The following HS3ST4 variants were observed in gnomAD, a reference collection of about 807,000 sequenced individuals.
The protein encoded by HS3ST4 is heparan sulfate-glucosamine 3-sulfotransferase 4, also known as heparan sulfate glucosamine 3-O-sulfotransferase 4.
HS3ST4 carries 17 observed loss-of-function variants against 29.2 expected under a neutral mutation model. The ratio of observed to expected loss-of-function variants is 0.58; its 90% CI spans 0.40 to 0.87. HS3ST4 has a LOEUF of 0.87. Ranked by LOEUF, HS3ST4 falls within the 40% of genes least tolerant of loss-of-function variation. The pLI is 0.00. For synonymous variants in HS3ST4, 314 were observed against 285.7 expected (o/e 1.10, Z -1.00); for missense variants, 627 against 634.5 (o/e 0.99, Z 0.13).
chr16:25,950,863 G>C (rs901990963), intron 1 of HS3ST4, among the ~76,000 whole-genome samples: 1 of 152,102 alleles, frequency 6.6e-6, no homozygotes, highest in Non-Finnish European at 1.5e-5. Context: ...GATGCCCCTT[G>C]ACCAAGGCTC....
At position 26,137,119 on chromosome 16, in the gene HS3ST4, A is replaced by G. The variant is rs1481313826; in HGVS notation, c.*871A>G. On this transcript the variant is annotated 3_prime_UTR_variant, in exon 2 of 2. Transcript: ENST00000331351. ...AGTGGCCATATCTGGGGGTAAAAGA[A>G]GAAATCCTGTCCTCTTGGTGGGAGG... 1 of 152,164 alleles carries G rather than the reference A, an allele frequency of 6.6e-6. No homozygotes were observed. The highest frequency in any genetic ancestry group is 1.5e-5 in the Non-Finnish European group (1 of 68,090). 9.4% of individuals were successfully genotyped at this position (152,164 alleles called of 1,614,324 possible). A position where few individuals can be genotyped will look rare whatever the true frequency, so the allele number is the denominator to read the frequency against.
chr16:26,015,944 GT>G (rs1344378985), intron 1 of HS3ST4, among the ~76,000 whole-genome samples: 1 of 152,100 alleles, frequency 6.6e-6, no homozygotes, highest in African/African-American at 2.4e-5. Flanking sequence ...ACAGCTGGGG[GT>G]GGGGTGTGCT....
intron 1 of HS3ST4, among the ~76,000 whole-genome samples, chr16:26,107,146 G>A (rs1398250517): frequency 6.6e-6 from 1 of 152,080 alleles, no homozygotes; most frequent in East Asian, 1.9e-4. Flanking sequence ...AAAGGGCTTG[G>A]TGTTGGAGTT....
At chr16:26,059,272 C>G (rs1209736208) in intron 1 of HS3ST4, among the ~76,000 whole-genome samples, 1 of 152,004 alleles carries the variant, frequency 6.6e-6, no homozygotes, top group Admixed American at 6.6e-5. Context: ...CCTTCCTTTC[C>G]CTCCACTTGT....
chr16:25,692,609 G>T lies in HS3ST4; in HGVS notation c.192G>T (p.Ala64=). 1 of 1,383,954 alleles carries T rather than the reference G, an allele frequency of 7.2e-7. No homozygotes were observed. Among genetic ancestry groups the T allele is most frequent in the South Asian group, 1.5e-5 (1 of 67,590 alleles). The allele number at this position is 1,383,954 out of a possible 1,614,324, so 85.7% of individuals were successfully genotyped here. The part of the protein sequence containing the change: ...GGSGSLQFPL[A]LQESPGAAAE... ...CGGGCTCCCTGCAATTCCCTCTGGC[G>T]CTGCAGGAGTCGCCGGGCGCCGCCG... The change falls in exon 1 of 2, where the codon GCG becomes GCT. Residue 64 remains alanine (A), a synonymous_variant. Coordinates refer to ENST00000331351, the MANE Select transcript of HS3ST4 (RefSeq NM_006040.3).
intron 1 of HS3ST4, among the ~76,000 whole-genome samples, chr16:26,004,179 T>A (rs1969236966): frequency 6.6e-6 from 1 of 152,194 alleles, no homozygotes; most frequent in African/African-American, 2.4e-5. Flanking sequence ...GCAGTTGTTC[T>A]TGCCATCCTG....
chr16:25,804,740 A>G (rs556025904), intron 1 of HS3ST4, among the ~76,000 whole-genome samples: 1 of 152,156 alleles, frequency 6.6e-6, no homozygotes, highest in South Asian at 2.1e-4. Flanking sequence ...CCAAAACCGC[A>G]CAACATTTTT....
chr16:26,075,906 C>A (rs1451822601), intron 1 of HS3ST4, among the ~76,000 whole-genome samples: 1 of 152,150 alleles, frequency 6.6e-6, no homozygotes, highest in Non-Finnish European at 1.5e-5. Flanking sequence ...CTTGGGATGT[C>A]TATGAAGCTT....
chr16:25,814,698 A>G (rs72778988), intron 1 of HS3ST4, among the ~76,000 whole-genome samples: 5 of 152,110 alleles, frequency 3.3e-5, no homozygotes, highest in African/African-American at 1.2e-4. Flanking sequence ...GACTTGCACA[A>G]GTTCACATAG....
intron 1 of HS3ST4, among the ~76,000 whole-genome samples, chr16:26,043,869 T>TC (rs1457798285): frequency 6.6e-6 from 1 of 151,988 alleles, no homozygotes; most frequent in Non-Finnish European, 1.5e-5. Flanking sequence ...AAATTCTGCC[T>TC]CCCCCTCTTC....
intron 1 of HS3ST4, among the ~76,000 whole-genome samples, chr16:25,817,801 A>ATT (rs1402205556): frequency 1.3e-5 from 2 of 152,234 alleles, no homozygotes; most frequent in African/African-American, 4.8e-5. Context: ...AATTCACTGT[A>ATT]TATGGTTGAA....
At chr16:26,010,976 G>A (rs1465082223) in intron 1 of HS3ST4, among the ~76,000 whole-genome samples, 1 of 152,132 alleles carries the variant, frequency 6.6e-6, no homozygotes, top group Admixed American at 6.5e-5. Flanking sequence ...TAGTTTTGAG[G>A]AATAAATGAG....
At chr16:25,977,811 G>A (rs1043321569) in intron 1 of HS3ST4, among the ~76,000 whole-genome samples, 1 of 152,196 alleles carries the variant, frequency 6.6e-6, no homozygotes, top group African/African-American at 2.4e-5. Flanking sequence ...GTGTGGGGAC[G>A]AAGTGGAACA....
At chr16:25,751,997 CT>C (rs59480781) in intron 1 of HS3ST4, among the ~76,000 whole-genome samples, 41,480 of 148,682 alleles carry the variant, frequency 0.28, 6,575 homozygotes, top group East Asian at 0.75. Context: ...TTCCATTTCC[CT>C]TTTTTTTTTT....
At chr16:25,897,138 CAG>C (rs1212371965) in intron 1 of HS3ST4, among the ~76,000 whole-genome samples, 1 of 152,038 alleles carries the variant, frequency 6.6e-6, no homozygotes, top group African/African-American at 2.4e-5. Flanking sequence ...CATGTGCCCC[CAG>C]AGTCTAAAAT....
intron 1 of HS3ST4, among the ~76,000 whole-genome samples, chr16:26,118,150 C>T (rs1208750282): frequency 6.6e-6 from 1 of 152,180 alleles, no homozygotes; most frequent in Non-Finnish European, 1.5e-5. Flanking sequence ...ACCGCAGCCT[C>T]CAACTTCTGG....
intron 1 of HS3ST4, among the ~76,000 whole-genome samples, chr16:26,011,421 G>A (rs902658591): frequency 3.9e-5 from 6 of 152,254 alleles, no homozygotes; most frequent in East Asian, 1.9e-4. Flanking sequence ...TTAGCCAGGC[G>A]TGGTGGCACA....
At chr16:25,755,060 T>C (rs1192421107) in intron 1 of HS3ST4, among the ~76,000 whole-genome samples, 1 of 151,728 alleles carries the variant, frequency 6.6e-6, no homozygotes, top group Admixed American at 6.6e-5. Context: ...ATCCATCCAC[T>C]CAGCCTACTA....
intron 1 of HS3ST4, among the ~76,000 whole-genome samples, chr16:25,806,425 A>G (rs1023215369): frequency 6.6e-6 from 1 of 152,118 alleles, no homozygotes; most frequent in Non-Finnish European, 1.5e-5. Flanking sequence ...CTCAGTGGCC[A>G]TTCCCCATGC....
Sources: allele counts gnomAD v4.1 joint callset (sites outside exome capture counted in the v4.1 genomes callset), GRCh38; gene constraint gnomAD v4.1.1; transcripts MANE v1.5; gene names NCBI Gene and HGNC (gene_info 2026-07-23, HGNC 2026-07-21).